PCDH9: variants seen among roughly 807,000 people sequenced by gnomAD.
PCDH9 encodes protocadherin-9.
A neutral mutation model predicts 70.6 loss-of-function variants in PCDH9; 24 were observed. The observed-to-expected ratio is 0.34, with a 90% CI of 0.25 to 0.48. The LOEUF (loss-of-function observed/expected upper bound fraction) is 0.48. PCDH9 is among the 20% of genes least tolerant of loss of function. PCDH9 has a pLI of 0.99. For missense variants in PCDH9, 1,281 were observed against 1,503.6 expected, an observed-to-expected ratio of 0.85 and a Z score of 2.45; for synonymous variants, 562 against 558.5, an observed-to-expected ratio of 1.01 and a Z score of -0.09.
chr13:66,562,522 A>G (rs1018089800), intron 4 of PCDH9, among the ~76,000 whole-genome samples: 1 of 152,196 alleles, frequency 6.6e-6, no homozygotes, highest in Non-Finnish European at 1.5e-5. Flanking sequence ...GAGCAAAGGC[A>G]TGTCTTACAT....
chr13:67,154,810 T>C lies in PCDH9; in HGVS notation c.3036+70595A>G, dbSNP rs2087768334. Among the ~76,000 whole-genome samples, 3 of 150,970 alleles carry C rather than the reference T, an allele frequency of 2.0e-5. No homozygotes were observed. In the South Asian group the frequency reaches 6.3e-4, roughly 32 times the overall value. On this transcript the variant is annotated intron_variant, in intron 2 of 4. Transcript: ENST00000377865. ...ACCTCCGCCTCTGGATCCAAATGAT[T>C]CTCCTGCCTCAGCCTCCCTAGTAGC...
At chr13:66,491,453 G>C (rs1959033209) in intron 4 of PCDH9, among the ~76,000 whole-genome samples, 1 of 150,414 alleles carries the variant, frequency 6.6e-6, no homozygotes, top group Non-Finnish European at 1.5e-5. Context: ...TGAATATGTA[G>C]TGAGGAACTA....
chr13:66,697,772 G>A (rs189177381), intron 3 of PCDH9, among the ~76,000 whole-genome samples: 2 of 152,192 alleles, frequency 1.3e-5, no homozygotes, highest in East Asian at 1.9e-4. Flanking sequence ...TTCCACCTCT[G>A]GGTATTTACC....
In PCDH9 at chr13:67,174,867, A is replaced by G. The variant is rs1403877440; in HGVS notation, c.3036+50538T>C. Reference sequence around the variant, plus strand: ...CTTTCTTTGTTAAATTAAATTCAATAGGTCTTTAAATCTCACCATTTTGGG... The same window carrying G: ...CTTTCTTTGTTAAATTAAATTCAATGGGTCTTTAAATCTCACCATTTTGGG... On this transcript the variant is annotated intron_variant, in intron 2 of 4. Transcript: ENST00000377865. Among the ~76,000 whole-genome samples, 3 of 151,528 alleles carry G rather than the reference A, an allele frequency of 2.0e-5. No homozygotes were observed. In the South Asian group the frequency reaches 6.2e-4, roughly 31 times the overall value.
chr13:66,753,232 T>C (rs2079487648), intron 3 of PCDH9, among the ~76,000 whole-genome samples: 1 of 152,176 alleles, frequency 6.6e-6, no homozygotes, highest in Non-Finnish European at 1.5e-5. Context: ...CCCCAAAATT[T>C]TTTAGTTGAT....
chr13:66,390,353 A>T (rs1186234595), intron 4 of PCDH9, among the ~76,000 whole-genome samples: 1 of 152,098 alleles, frequency 6.6e-6, no homozygotes, highest in East Asian at 1.9e-4. Context: ...TTATAATTAG[A>T]TCACATTCTC....
intron 4 of PCDH9, among the ~76,000 whole-genome samples, chr13:66,624,810 A>G (rs1285734250): frequency 6.6e-6 from 1 of 152,244 alleles, no homozygotes; most frequent in Non-Finnish European, 1.5e-5. Context: ...TACAGTGTAT[A>G]GTAAACCTTA....
At position 67,211,953 on chromosome 13, in the gene PCDH9, G is replaced by A. The variant is rs541185283; in HGVS notation, c.3036+13452C>T. 3 of 152,158 alleles carry A rather than the reference G, an allele frequency of 2.0e-5. No individual in the cohort carries two copies. In the East Asian group the frequency reaches 5.8e-4, roughly 29 times the overall value. The allele number at this position is 152,158 out of a possible 1,614,324, so 9.4% of individuals were successfully genotyped here. On this transcript the variant is annotated intron_variant, in intron 2 of 4. Transcript: ENST00000377865. ...CTTTTCAAAATGGATGTCTCTACAA[G>A]TGAAATTCCATTTTTAGAGAACCAC... is the stretch of plus-strand genomic sequence containing the variant.
At position 66,940,503 on chromosome 13, in the gene PCDH9, A is replaced by C. The variant is rs1000533090; in HGVS notation, c.3037-36898T>G. ...TTCTCAAATTTCTGATTATCTTAGTACCTTATTAATCACTATTATTAGGGT... is the reference window on the plus strand; with the variant it reads ...TTCTCAAATTTCTGATTATCTTAGTCCCTTATTAATCACTATTATTAGGGT... On this transcript the variant is annotated intron_variant, in intron 2 of 4. Transcript: ENST00000377865. 3.9e-5 allele frequency among the ~76,000 whole-genome samples: 6 copies of C among 152,234 alleles called. No homozygotes were observed. The East Asian group carries it at 1.2e-3, about 29-fold the overall frequency.
intron 2 of PCDH9, chr13:67,220,611 T>C (rs1449068082): frequency 6.6e-6 from 1 of 152,082 alleles, no homozygotes; most frequent in Non-Finnish European, 1.5e-5. Context: ...AAGCCTGCCC[T>C]GTCTCACCAT....
At chr13:66,780,533 C>A (rs2079981512) in intron 3 of PCDH9, among the ~76,000 whole-genome samples, 1 of 152,096 alleles carries the variant, frequency 6.6e-6, no homozygotes, top group Non-Finnish European at 1.5e-5. Context: ...TCCCATGTGG[C>A]CAGCTTGCTC....
At chr13:66,844,451 G>A (rs1049073797) in intron 3 of PCDH9, among the ~76,000 whole-genome samples, 2 of 151,988 alleles carry the variant, frequency 1.3e-5, no homozygotes, top group Admixed American at 1.3e-4. Flanking sequence ...TGGGCATGGT[G>A]GGGGGTGCCT....
intron 4 of PCDH9, among the ~76,000 whole-genome samples, chr13:66,455,403 G>A (rs922709649): frequency 6.6e-6 from 1 of 151,732 alleles, no homozygotes; most frequent in Non-Finnish European, 1.5e-5. Context: ...TCATTTTTTA[G>A]AATAAAAATA....
intron 3 of PCDH9, among the ~76,000 whole-genome samples, chr13:66,645,514 A>C (rs1174733355): frequency 6.6e-6 from 1 of 152,182 alleles, no homozygotes; most frequent in Admixed American, 6.5e-5. Context: ...AAGAGAAAGT[A>C]GCTAAATTAT....
At chr13:67,188,435 T>C (rs899040836) in intron 2 of PCDH9, among the ~76,000 whole-genome samples, 2 of 152,120 alleles carry the variant, frequency 1.3e-5, no homozygotes, top group Non-Finnish European at 1.5e-5. Context: ...TAGAAAATAA[T>C]CTTAAAGGTA....
chr13:66,434,386 G>T (rs1021641139), intron 4 of PCDH9, among the ~76,000 whole-genome samples: 1 of 151,868 alleles, frequency 6.6e-6, no homozygotes, highest in Non-Finnish European at 1.5e-5. Flanking sequence ...CAAATGAATT[G>T]TCCATTAAAC....
intron 4 of PCDH9, among the ~76,000 whole-genome samples, chr13:66,432,693 T>C (rs1048667666): frequency 2.6e-5 from 4 of 151,916 alleles, no homozygotes; most frequent in Admixed American, 6.6e-5. Context: ...TCTGGTCCAC[T>C]ACCTCTTCCC....
chr13:66,481,924 G>A (rs1004142668), intron 4 of PCDH9, among the ~76,000 whole-genome samples: 2 of 146,954 alleles, frequency 1.4e-5, no homozygotes, highest in Non-Finnish European at 3.0e-5. Flanking sequence ...AAAATCATAA[G>A]TCCAAATACA....
intron 4 of PCDH9, among the ~76,000 whole-genome samples, chr13:66,462,116 G>A (rs549228090): frequency 3.3e-5 from 5 of 151,886 alleles, no homozygotes; most frequent in Admixed American, 2.0e-4. Flanking sequence ...TTACACTATG[G>A]AAATTGGCAG....
Sources: gnomAD v4.1 joint callset for allele counts (sites outside exome capture counted in the v4.1 genomes callset) on GRCh38, gnomAD v4.1.1 for gene constraint, MANE v1.5 for transcripts, NCBI Gene and HGNC (gene_info 2026-07-23, HGNC 2026-07-21) for gene names.